CYTH1: variants seen among roughly 807,000 people sequenced by gnomAD.
CYTH1 encodes the protein cytohesin-1.
CYTH1 carries 18 observed loss-of-function variants against 61.8 expected under a neutral mutation model. That is an observed-to-expected ratio of 0.29 (90% CI 0.20 to 0.43). CYTH1 has a LOEUF of 0.43. CYTH1 is among the 20% of genes least tolerant of loss of function. The probability of loss-of-function intolerance (pLI) is 1.00; values close to 1 mark genes in which losing one functional copy is unlikely to be tolerated. For missense variants in CYTH1, 336 were observed against 510.5 expected, an observed-to-expected ratio of 0.66 and a Z score of 3.29; for synonymous variants, 174 against 184.3, an observed-to-expected ratio of 0.94 and a Z score of 0.45.
intron 1 of CYTH1, among the ~76,000 whole-genome samples, chr17:78,741,479 A>G (rs1382817669): frequency 6.6e-6 from 1 of 152,210 alleles, no homozygotes; most frequent in Non-Finnish European, 1.5e-5. Context: ...TCATTATCCC[A>G]GAGACAGAAA....
intron 13 of CYTH1, 54 bp downstream of exon 13, chr17:78,680,136 G>A (rs1417314582): frequency 4.4e-6 from 7 of 1,600,214 alleles, no homozygotes; most frequent in African/African-American, 1.3e-5. Context: ...ATCAACACCT[G>A]GTGAGGTGAG....
At chr17:78,770,308 A>G (rs1256241622) in intron 1 of CYTH1, among the ~76,000 whole-genome samples, 1 of 147,350 alleles carries the variant, frequency 6.8e-6, no homozygotes, top group Non-Finnish European at 1.5e-5. Flanking sequence ...GGGCAACAAG[A>G]GCAAAATTCC....
In CYTH1 at chr17:78,712,611, G is replaced by A. The variant is rs1223201847; in HGVS notation, c.23-2879C>T. 1.3e-5 allele frequency among the ~76,000 whole-genome samples: 2 copies of A among 152,090 alleles called. 1 individual carries two copies. Among genetic ancestry groups the A allele is most frequent in the South Asian group, 4.1e-4 (2 of 4,820 alleles). On this transcript the variant is annotated intron_variant, in intron 1 of 13. Coordinates refer to ENST00000446868, the MANE Select transcript of CYTH1 (RefSeq NM_004762.6). ...GTGAAGGTTGCAGTGGGCTGAGATC[G>A]TGCCACTGCACTCCAGCCTAGGCAA... is the stretch of plus-strand genomic sequence containing the variant.
In CYTH1 at chr17:78,711,306, T is replaced by C. The variant is rs1200244497; in HGVS notation, c.23-1574A>G. ...TAAATAAATAAATAAATAAATAATATATATATATACACACACACACACACA... is the reference window on the plus strand; with the variant it reads ...TAAATAAATAAATAAATAAATAATACATATATATACACACACACACACACA... On this transcript the variant is annotated intron_variant, in intron 1 of 13. Transcript: ENST00000446868. Among the ~76,000 whole-genome samples, 208 of 98,690 alleles carry C rather than the reference T, an allele frequency of 2.1e-3. 1 individual carries two copies. The highest frequency in any genetic ancestry group is 7.6e-3 in the African/African-American group (196 of 25,852). 64.7% of individuals were successfully genotyped at this position (98,690 alleles called of 152,430 possible). A position where few individuals can be genotyped will look rare whatever the true frequency, so the allele number is the denominator to read the frequency against.
intron 1 of CYTH1, among the ~76,000 whole-genome samples, chr17:78,739,523 G>A (rs1305770926): frequency 2.6e-5 from 4 of 152,134 alleles, no homozygotes; most frequent in Non-Finnish European, 5.9e-5. Context: ...GTGTAGGGAG[G>A]AGTGGAAGAT....
intron 11 of CYTH1, chr17:78,691,279 C>G (rs1567832193): frequency 1.3e-5 from 2 of 152,242 alleles, no homozygotes; most frequent in Admixed American, 1.3e-4. Flanking sequence ...GCCTGATGGG[C>G]TACGAAGTGC....
At chr17:78,769,312 C>T (rs1282628259) in intron 1 of CYTH1, among the ~76,000 whole-genome samples, 1 of 152,080 alleles carries the variant, frequency 6.6e-6, no homozygotes, top group Non-Finnish European at 1.5e-5. Flanking sequence ...CTGCTCACAG[C>T]CTACTCTCCA....
At chr17:78,698,163 GCACA>G (rs2092963695) in intron 9 of CYTH1, 102 bp downstream of exon 9, 8 of 926,994 alleles carry the variant, frequency 8.6e-6, no homozygotes, top group Middle Eastern at 3.2e-4. Context: ...ACATGCACAC[GCACA>G]AACACGCACA....
intron 1 of CYTH1, among the ~76,000 whole-genome samples, chr17:78,780,808 A>C (rs963165545): frequency 7.2e-5 from 11 of 152,276 alleles, no homozygotes; most frequent in African/African-American, 2.4e-4. Context: ...GAAGTTCAAG[A>C]CCAGCCTGGC....
At chr17:78,701,362 A>G (rs1295080728) in intron 6 of CYTH1, among the ~76,000 whole-genome samples, 1 of 152,252 alleles carries the variant, frequency 6.6e-6, no homozygotes, top group Non-Finnish European at 1.5e-5. Context: ...TTCCAGGGCA[A>G]GAAATTAAAG....
Position 78,675,948 on chromosome 17 carries a change from T to TC in CYTH1, c.*142_*143insG. 1 of 1,547,552 alleles carries TC rather than the reference T, an allele frequency of 6.5e-7. No homozygotes were observed. On this transcript the variant is annotated 3_prime_UTR_variant, in exon 14 of 14. Transcript: ENST00000446868. ...CCACCCTTCTCCCACTTAAAAAAAA[T>TC]AGCAAAAGCTGAAGCTAGTCTCTAG...
intron 1 of CYTH1, among the ~76,000 whole-genome samples, chr17:78,772,232 C>T (rs779714361): frequency 2.0e-5 from 3 of 152,150 alleles, no homozygotes; most frequent in Non-Finnish European, 2.9e-5. Context: ...AAAGCAGACT[C>T]GACCAGACTC....
intron 1 of CYTH1, among the ~76,000 whole-genome samples, chr17:78,750,531 G>A (rs1028509856): frequency 2.0e-5 from 3 of 152,108 alleles, no homozygotes; most frequent in Non-Finnish European, 4.4e-5. Context: ...TGCTGTTGCC[G>A]GGCACAGTGG....
At chr17:78,743,012 T>G (rs1339484138) in intron 1 of CYTH1, among the ~76,000 whole-genome samples, 1 of 152,244 alleles carries the variant, frequency 6.6e-6, no homozygotes, top group Non-Finnish European at 1.5e-5. Context: ...TCAGAGCTTC[T>G]GTTGTATTTA....
chr17:78,753,961 CACT>C (rs1299586543), intron 1 of CYTH1, among the ~76,000 whole-genome samples: 2 of 152,006 alleles, frequency 1.3e-5, no homozygotes, highest in Non-Finnish European at 2.9e-5. Context: ...AATGATTCAC[CACT>C]GAGTGGTAAT....
chr17:78,681,351 C>T (rs1203660061), intron 11 of CYTH1, among the ~76,000 whole-genome samples: 1 of 152,180 alleles, frequency 6.6e-6, no homozygotes, highest in Non-Finnish European at 1.5e-5. Context: ...TTTCCCTCTT[C>T]CCTTTGCCTG....
chr17:78,754,124 C>T (rs1327878354), intron 1 of CYTH1, among the ~76,000 whole-genome samples: 1 of 152,018 alleles, frequency 6.6e-6, no homozygotes, highest in Non-Finnish European at 1.5e-5. Flanking sequence ...GTGGACAAAG[C>T]GACCGGCTAC....
chr17:78,684,629 T>G (rs2144070655), intron 11 of CYTH1, among the ~76,000 whole-genome samples: 1 of 152,348 alleles, frequency 6.6e-6, no homozygotes, highest in South Asian at 2.1e-4. Context: ...TTAAAAATAC[T>G]CCAAATCCAA....
Position 78,680,900 on chromosome 17 carries a change from GT to G in CYTH1, c.963+70del, listed in dbSNP as rs202218827. ...ACGCTTTTCAGTTTTTTGGTTTTGA[GT>G]TTTTTAAAAAAAATCTTTGAAATGC... On this transcript the variant is annotated intron_variant, in intron 12 of 13. Transcript: ENST00000446868. The G allele has an allele frequency of 2.6e-6, 4 of 1,533,324 alleles. No homozygotes were observed. The Admixed American group carries it at 7.3e-5, about 28-fold the overall frequency. 95.0% of individuals were successfully genotyped at this position (1,533,324 alleles called of 1,614,324 possible).
Sources: gnomAD v4.1 joint callset for allele counts (sites outside exome capture counted in the v4.1 genomes callset) on GRCh38, gnomAD v4.1.1 for gene constraint, MANE v1.5 for transcripts, NCBI Gene and HGNC (gene_info 2026-07-23, HGNC 2026-07-21) for gene names.